Variants in SUZ12 observed in about 807,000 individuals in gnomAD.
The protein encoded by SUZ12 is SUZ12 polycomb repressive complex 2 subunit.
In SUZ12, 17 loss-of-function variants were observed where a neutral mutation model predicts 87.3. The observed-to-expected ratio is 0.19, with a 90% confidence interval of 0.13 to 0.29. The LOEUF is 0.29. Ranked by LOEUF, SUZ12 falls within the 10% of genes least tolerant of loss-of-function variation. The probability of loss-of-function intolerance (pLI) is 1.00; values close to 1 mark genes in which losing one functional copy is unlikely to be tolerated. For synonymous variants in SUZ12, 253 were observed against 312.4 expected (o/e 0.81, Z 2.01); for missense variants, 526 against 912.2 (o/e 0.58, Z 5.45).
chr17:31,998,317 G>A (rs1482723375), intron 15 of SUZ12, among the ~76,000 whole-genome samples: 1 of 152,016 alleles, frequency 6.6e-6, no homozygotes, highest in Admixed American at 6.6e-5. Context: ...CTGATCTTGC[G>A]ATCCACCCAC....
At chr17:31,974,538 T>C (rs982417506) in intron 6 of SUZ12, among the ~76,000 whole-genome samples, 1 of 152,142 alleles carries the variant, frequency 6.6e-6, no homozygotes, top group African/African-American at 2.4e-5. Context: ...TCCATACACA[T>C]TACAACAAGT....
intron 9 of SUZ12, among the ~76,000 whole-genome samples, chr17:31,983,439 C>G (rs545739242): frequency 6.8e-6 from 1 of 147,406 alleles, no homozygotes; most frequent in East Asian, 1.9e-4. Context: ...GCCACCACGC[C>G]TGGCTAATTT....
intron 6 of SUZ12, among the ~76,000 whole-genome samples, chr17:31,973,975 C>T (rs1908591043): frequency 6.6e-6 from 1 of 152,002 alleles, no homozygotes; most frequent in Non-Finnish European, 1.5e-5. Flanking sequence ...CCTATAATCC[C>T]AGCACTTTGG....
At position 31,966,199 on chromosome 17, in the gene SUZ12, A is replaced by G. The variant is rs1461197820; in HGVS notation, c.505+3A>G. ...TACTGGTTTCTTCCACAAAAATGGT[A>G]TGTATTTAAAAGTAAATAAAGTGGC... On this transcript the variant is annotated splice_donor_region_variant and intron_variant, in intron 5 of 15. Coordinates refer to ENST00000322652, the MANE Select transcript of SUZ12 (RefSeq NM_015355.4). 5 of 1,601,610 alleles carry G rather than the reference A, an allele frequency of 3.1e-6. No homozygotes were observed. The highest frequency in any genetic ancestry group is 3.5e-5 in the Admixed American group (2 of 57,022).
intron 9 of SUZ12, among the ~76,000 whole-genome samples, chr17:31,985,089 G>A (rs1223478357): frequency 6.7e-6 from 1 of 150,094 alleles, no homozygotes; most frequent in Non-Finnish European, 1.5e-5. Flanking sequence ...AACCTGGGAG[G>A]CAGAGGTTTC....
In SUZ12 at chr17:31,973,188, C is replaced by T; in HGVS notation, c.548C>T (p.Thr183Ile). ...TCAGAAAATGAACAAAATTCTGTTA[C>T]CCTGGAAGTCCTGCTTGTGAAAGTT... ...PNSENEQNSVTLEVLLVKVCH... is the reference protein window; with the variant it reads ...PNSENEQNSVILEVLLVKVCH... Residue 183 changes from threonine (T) to isoleucine (I), a missense_variant, in exon 6 of 16, where the codon ACC (threonine) becomes ATC (isoleucine). Thr to Ile is a moderately conservative substitution (Grantham distance 89). This residue lies in a region of SUZ12 where 49 missense variants were observed against 73.2 expected (regional missense o/e 0.67). Transcript: ENST00000322652. 6.4e-7 allele frequency: 1 copy of T among 1,557,610 alleles called. No individual in the cohort carries two copies. The highest frequency in any genetic ancestry group is 8.7e-7 in the Non-Finnish European group (1 of 1,155,412).
At chr17:31,952,043 G>T (rs538133363) in intron 4 of SUZ12, among the ~76,000 whole-genome samples, 1 of 151,972 alleles carries the variant, frequency 6.6e-6, no homozygotes, top group Non-Finnish European at 1.5e-5. Context: ...TCAAAGTGTT[G>T]CAATTACAGG....
At chr17:31,969,142 A>AT (rs58566831) in intron 5 of SUZ12, among the ~76,000 whole-genome samples, 41 of 151,576 alleles carry the variant, frequency 2.7e-4, no homozygotes, top group Non-Finnish European at 5.2e-4. Context: ...ACACAAGCTA[A>AT]TTTTTTTTCT....
rs58491591 is a variant in SUZ12, at chr17:31,980,429, C to CTTTTTTTTTTTTTTTTTT, written c.918-2550_918-2533dup. 1.1e-4 allele frequency among the ~76,000 whole-genome samples: 6 copies of CTTTTTTTTTTTTTTTTTT among 53,832 alleles called. 2 individuals carry two copies. Among genetic ancestry groups the CTTTTTTTTTTTTTTTTTT allele is most frequent in the Non-Finnish European group, 1.3e-4 (4 of 30,162 alleles). The allele number at this position is 53,832 out of a possible 152,430, so 35.3% of individuals were successfully genotyped here. On this transcript the variant is annotated intron_variant, in intron 8 of 15. Coordinates refer to ENST00000322652, the MANE Select transcript of SUZ12 (RefSeq NM_015355.4). Reference sequence around the variant, plus strand: ...TAAGATATACCAGAATCACCTTCTCCTTTTTTTTTTTTTTTTTTTTTTTTT... The same window carrying CTTTTTTTTTTTTTTTTTT: ...TAAGATATACCAGAATCACCTTCTCCTTTTTTTTTTTTTTTTTTTTTTTTTTTTTTTTTTTTTTTTTTT...
At chr17:31,950,381 C>T (rs1208482625) in intron 4 of SUZ12, among the ~76,000 whole-genome samples, 1 of 152,176 alleles carries the variant, frequency 6.6e-6, no homozygotes, top group African/African-American at 2.4e-5. Context: ...AATCTATTGT[C>T]AAATTCTTAA....
In SUZ12 at chr17:31,999,739, G is replaced by A. The variant is rs1014028859; in HGVS notation, c.*736G>A. ...GATAATTTTAGTGCATTGCTCACCCGGTATGTTTTTTTTTTTTAACTTGAA... is the reference window on the plus strand; with the variant it reads ...GATAATTTTAGTGCATTGCTCACCCAGTATGTTTTTTTTTTTTAACTTGAA... On this transcript the variant is annotated 3_prime_UTR_variant, in exon 16 of 16. Coordinates refer to ENST00000322652, the MANE Select transcript of SUZ12 (RefSeq NM_015355.4). 6 of 230,892 alleles carry A rather than the reference G, an allele frequency of 2.6e-5. No homozygotes were observed. Among genetic ancestry groups the A allele is most frequent in the East Asian group, 1.2e-4 (2 of 16,352 alleles). The allele number at this position is 230,892 out of a possible 1,614,324, so 14.3% of individuals were successfully genotyped here.
chr17:31,999,226 T>C lies in SUZ12; in HGVS notation c.*223T>C, dbSNP rs115308907. On this transcript the variant is annotated 3_prime_UTR_variant, in exon 16 of 16. Transcript: ENST00000322652. ...GATGTCATTAAAACATTCTGTACTT[T>C]AAGCATGAAAAGCAATATTTCAAAG... The C allele has an allele frequency of 4.2e-3, 1,460 of 351,326 alleles. 19 individuals are homozygous for C. Among genetic ancestry groups the C allele is most frequent in the African/African-American group, 0.027 (1,295 of 47,922 alleles). 21.8% of individuals were successfully genotyped at this position (351,326 alleles called of 1,614,324 possible).
chr17:31,976,557 A>G lies in SUZ12; in HGVS notation c.860A>G (p.Asn287Ser). Reference sequence around the variant, plus strand: ...GAGCTTCCAGCCAGAAGAAAACGAAATCGTGAGGATGGGGAAAAGACATTT... The same window carrying G: ...GAGCTTCCAGCCAGAAGAAAACGAAGTCGTGAGGATGGGGAAAAGACATTT... ...NEELPARRKR[N>S]REDGEKTFVA... Residue 287 changes from asparagine to serine, a missense_variant, in exon 8 of 16, where the codon AAT becomes AGT. By Grantham distance (46) the Asn-to-Ser change is conservative. Around this residue, in one of 9 missense-constraint regions of SUZ12, gnomAD observed 73 missense variants for 133.8 expected, o/e 0.55. Coordinates refer to ENST00000322652, the MANE Select transcript of SUZ12 (RefSeq NM_015355.4). The G allele has an allele frequency of 1.2e-6, 2 of 1,613,312 alleles. No homozygotes were observed. Among genetic ancestry groups the G allele is most frequent in the South Asian group, 2.2e-5 (2 of 90,996 alleles).
At chr17:31,958,972 C>T (rs565357903) in intron 4 of SUZ12, among the ~76,000 whole-genome samples, 10 of 152,138 alleles carry the variant, frequency 6.6e-5, no homozygotes, top group South Asian at 4.1e-4. Flanking sequence ...GAGCAGATAT[C>T]GCACCACTGC....
chr17:31,956,035 C>T (rs1448877862), intron 4 of SUZ12, among the ~76,000 whole-genome samples: 1 of 151,932 alleles, frequency 6.6e-6, no homozygotes, highest in Admixed American at 6.6e-5. Context: ...GCCTCAGCCT[C>T]CTGAGTAGCT....
chr17:31,984,640 G>A (rs796810712), intron 9 of SUZ12, among the ~76,000 whole-genome samples: 2 of 152,018 alleles, frequency 1.3e-5, no homozygotes, highest in Admixed American at 6.6e-5. Flanking sequence ...AAAAAGATAC[G>A]CAGTCTAATA....
intron 3 of SUZ12, among the ~76,000 whole-genome samples, chr17:31,941,237 TTTA>T (rs1906261089): frequency 2.7e-5 from 4 of 150,228 alleles, no homozygotes; most frequent in Admixed American, 2.0e-4. Flanking sequence ...TATTTTTTTT[TTTA>T]TTGTTGTTGT....
At position 31,937,406 on chromosome 17, in the gene SUZ12, GCCT is replaced by G. The variant is rs774288551; in HGVS notation, c.175_177del (p.Ser59del). ...CTGTGGAGGGGGTGGCAGTTACTCG[GCCT>G]CCTCCTCCTCCTCCGCGGCGGCAGC... On this transcript the variant is annotated inframe_deletion, in exon 1 of 16. Coordinates refer to ENST00000322652, the MANE Select transcript of SUZ12 (RefSeq NM_015355.4). 4.9e-4 allele frequency: 743 copies of G among 1,531,114 alleles called. No individual in the cohort carries two copies. The highest frequency in any genetic ancestry group is 1.8e-3 in the East Asian group (71 of 39,360). 94.8% of individuals were successfully genotyped at this position (1,531,114 alleles called of 1,614,324 possible).
chr17:31,985,152 C>G (rs1473362461), intron 9 of SUZ12, among the ~76,000 whole-genome samples: 1 of 101,596 alleles, frequency 9.8e-6, no homozygotes, highest in Non-Finnish European at 1.7e-5. Flanking sequence ...GAGCAAGACT[C>G]TGTCTCAAAA....
Sources: allele counts gnomAD v4.1 joint callset (sites outside exome capture counted in the v4.1 genomes callset), GRCh38; gene constraint gnomAD v4.1.1; regional missense constraint gnomAD v4.1.1; transcripts MANE v1.5; gene names NCBI Gene and HGNC (gene_info 2026-07-23, HGNC 2026-07-21).